The following TAFA2 variants were observed in gnomAD, a reference collection of about 807,000 sequenced individuals.
TAFA2 encodes the protein TAFA chemokine like family member 2, also known as chemokine-like protein TAFA-2.
Under a neutral mutation model 18.8 loss-of-function variants are expected in TAFA2, and 7 were observed. That is an observed-to-expected ratio of 0.37 (90% CI 0.21 to 0.70). The LOEUF (loss-of-function observed/expected upper bound fraction) is 0.70. Ranked by LOEUF, TAFA2 falls within the 30% of genes least tolerant of loss-of-function variation. TAFA2 has a pLI of 0.53. For synonymous variants in TAFA2, 60 were observed against 54.2 expected (o/e 1.11, Z -0.47); for missense variants, 122 against 158.1 (o/e 0.77, Z 1.23).
At chr12:62,241,432 T>C (rs2062862389) in intron 1 of TAFA2, among the ~76,000 whole-genome samples, 1 of 152,234 alleles carries the variant, frequency 6.6e-6, no homozygotes, top group African/African-American at 2.4e-5. Context: ...TGAGTGGACT[T>C]ACCAGGCAAA....
At chr12:61,869,566 A>AT (rs1165438911) in intron 1 of TAFA2, among the ~76,000 whole-genome samples, 5 of 152,154 alleles carry the variant, frequency 3.3e-5, no homozygotes, top group African/African-American at 9.7e-5. Context: ...ATTTAACTAG[A>AT]TTTTTTTAAC....
chr12:62,028,093 TAGA>T (rs1881355779), intron 1 of TAFA2, among the ~76,000 whole-genome samples: 3 of 152,156 alleles, frequency 2.0e-5, no homozygotes, highest in Admixed American at 1.3e-4. Context: ...ACATTATGGT[TAGA>T]AGAAGACAAT....
chr12:61,937,548 T>C (rs1052254478), intron 1 of TAFA2, among the ~76,000 whole-genome samples: 11 of 151,896 alleles, frequency 7.2e-5, no homozygotes, highest in African/African-American at 2.4e-4. Flanking sequence ...AAAACATAAA[T>C]TGGCAAAAGG....
At chr12:61,879,362 T>C (rs1875009561) in intron 1 of TAFA2, 2 of 731,062 alleles carry the variant, frequency 2.7e-6, no homozygotes, top group Non-Finnish European at 4.6e-6. Flanking sequence ...TATCCACCTC[T>C]GGCCCCCGGG....
At chr12:62,070,025 C>A (rs17125839) in intron 1 of TAFA2, among the ~76,000 whole-genome samples, 1,853 of 152,256 alleles carry the variant, frequency 0.012, 49 homozygotes, top group African/African-American at 0.043. Flanking sequence ...ATTCATTCCT[C>A]CCAGAGCTGC....
intron 1 of TAFA2, among the ~76,000 whole-genome samples, chr12:62,165,433 A>C (rs73129983): frequency 0.013 from 2,001 of 152,194 alleles, 19 homozygotes; most frequent in Admixed American, 0.023. Context: ...TCTCTGTATG[A>C]AGATAACCTC....
intron 1 of TAFA2, among the ~76,000 whole-genome samples, chr12:61,884,344 T>A (rs1875277040): frequency 6.6e-6 from 1 of 152,124 alleles, no homozygotes; most frequent in African/African-American, 2.4e-5. Flanking sequence ...TACAAACCCT[T>A]TGCATCATTT....
intron 2 of TAFA2, among the ~76,000 whole-genome samples, chr12:61,777,976 T>C (rs368857163): frequency 6.6e-6 from 1 of 151,758 alleles, no homozygotes; most frequent in East Asian, 2.0e-4. Flanking sequence ...AAATGCCTCC[T>C]GAGGAAAAGG....
chr12:62,174,083 G>A (rs1298697024), intron 1 of TAFA2, among the ~76,000 whole-genome samples: 1 of 152,178 alleles, frequency 6.6e-6, no homozygotes, highest in Non-Finnish European at 1.5e-5. Context: ...CTTGAGGCCA[G>A]GAGTTCAAGA....
chr12:61,901,406 TCC>T lies in TAFA2; in HGVS notation c.-1-33982_-1-33981del, dbSNP rs1210547385. 0.018 allele frequency among the ~76,000 whole-genome samples: 100 copies of T among 5,706 alleles called. 40 individuals carry two copies. In the East Asian group the frequency reaches 0.2, roughly 11 times the overall value. The allele number at this position is 5,706 out of a possible 152,430, so 3.7% of individuals were successfully genotyped here. On this transcript the variant is annotated intron_variant, in intron 1 of 4. Transcript: ENST00000416284. The stretch of plus-strand genomic sequence containing the variant: ...TGTGTCATCTAGCATTAGGTATATC[TCC>T]CAATGCTATCCCTCCCCCCTCCCCC...
intron 1 of TAFA2, among the ~76,000 whole-genome samples, chr12:62,056,545 G>A (rs957939116): frequency 8.5e-5 from 13 of 152,094 alleles, no homozygotes; most frequent in African/African-American, 2.7e-4. Context: ...TGAAGTCCAT[G>A]GGCTCCCCCA....
At chr12:62,010,512 G>C (rs12823257) in intron 1 of TAFA2, among the ~76,000 whole-genome samples, 63,136 of 151,984 alleles carry the variant, frequency 0.42, 13,692 homozygotes, top group Non-Finnish European at 0.47. Flanking sequence ...GCTGCAACCT[G>C]CACCTTCCAG....
At chr12:62,183,961 T>C (rs188715619) in intron 1 of TAFA2, among the ~76,000 whole-genome samples, 2 of 152,306 alleles carry the variant, frequency 1.3e-5, no homozygotes. Flanking sequence ...CTATCACAAC[T>C]TGTTTTATAA....
In TAFA2 at chr12:61,811,743, A is replaced by G. The variant is rs551689150; in HGVS notation, c.106+55577T>C. 1.1e-3 allele frequency among the ~76,000 whole-genome samples: 169 copies of G among 151,530 alleles called. 9 individuals carry two copies. The highest frequency in any genetic ancestry group is 6.8e-3 in the Middle Eastern group (2 of 294). On this transcript the variant is annotated intron_variant, in intron 2 of 4. Transcript: ENST00000416284. The stretch of plus-strand genomic sequence containing the variant: ...CCTGCCTGAATGGGTAGAATTCAAT[A>G]GGCAGAAGCAATTAAAAGCCCTTTC...
At chr12:62,237,274 G>A (rs578222417) in intron 1 of TAFA2, among the ~76,000 whole-genome samples, 18 of 152,302 alleles carry the variant, frequency 1.2e-4, no homozygotes, top group African/African-American at 3.8e-4. Context: ...TTGGGAGGCC[G>A]AGGCGGGCAG....
chr12:62,175,940 C>A (rs1010654240), intron 1 of TAFA2, among the ~76,000 whole-genome samples: 56 of 151,610 alleles, frequency 3.7e-4, no homozygotes, highest in African/African-American at 1.3e-3. Flanking sequence ...AAGAATTCAA[C>A]CTGTTCCCAC....
At chr12:61,881,345 C>T (rs923730484) in intron 1 of TAFA2, among the ~76,000 whole-genome samples, 1 of 152,154 alleles carries the variant, frequency 6.6e-6, no homozygotes, top group Admixed American at 6.5e-5. Flanking sequence ...CAGCCTACTA[C>T]ACACCTAGGC....
chr12:61,710,781 T>C (rs1029898205), intron 4 of TAFA2, among the ~76,000 whole-genome samples: 2 of 151,994 alleles, frequency 1.3e-5, no homozygotes, highest in African/African-American at 4.8e-5. Context: ...AAACACATCA[T>C]ACTAGGCCTC....
chr12:61,710,779 C>T lies in TAFA2; in HGVS notation c.385-362G>A, dbSNP rs148130829. Among the ~76,000 whole-genome samples, 619 of 152,146 alleles carry T rather than the reference C, an allele frequency of 4.1e-3. 1 individual carries two copies. Among genetic ancestry groups the T allele is most frequent in the African/African-American group, 0.014 (588 of 41,526 alleles). ...CATAACCCAAATATCACAAACACAT[C>T]ATACTAGGCCTCAGTGAAGAAAGAC... On this transcript the variant is annotated intron_variant, in intron 4 of 4. Transcript: ENST00000416284.
Sources: allele counts gnomAD v4.1 joint callset (sites outside exome capture counted in the v4.1 genomes callset), GRCh38; gene constraint gnomAD v4.1.1; transcripts MANE v1.5; gene names NCBI Gene and HGNC (gene_info 2026-07-23, HGNC 2026-07-21).